PTPRT: variants seen among roughly 807,000 people sequenced by gnomAD.
The protein encoded by PTPRT is receptor-type tyrosine-protein phosphatase T.
A neutral mutation model predicts 176.8 loss-of-function variants in PTPRT; 56 were observed. That is an observed-to-expected ratio of 0.32 (90% confidence interval 0.26 to 0.40). The LOEUF (loss-of-function observed/expected upper bound fraction) is 0.40, where lower values mean the gene tolerates loss of function less well. PTPRT is among the 10% of genes least tolerant of loss of function. The probability of loss-of-function intolerance (pLI) is 1.00; values close to 1 mark genes in which losing one functional copy is unlikely to be tolerated. For synonymous variants in PTPRT, 783 were observed against 739.0 expected (o/e 1.06, Z -0.96); for missense variants, 1,540 against 1,908.2 (o/e 0.81, Z 3.60).
the PTPRT span, among the ~76,000 whole-genome samples, chr20:42,046,689 G>A: frequency 6.6e-6 from 1 of 152,130 alleles, no homozygotes; most frequent in South Asian, 2.1e-4. Context: ...CTGTAATTAG[G>A]ACCTGTATTG....
intron 1 of PTPRT, among the ~76,000 whole-genome samples, chr20:43,096,207 T>A (rs1045396913): frequency 6.6e-6 from 1 of 150,658 alleles, no homozygotes; most frequent in East Asian, 2.0e-4. Context: ...TGTCTCTCTG[T>A]TTTCCTTTTC....
chr20:42,181,872 C>A (rs1168171234), intron 16 of PTPRT, among the ~76,000 whole-genome samples: 2 of 151,484 alleles, frequency 1.3e-5, no homozygotes, highest in African/African-American at 4.9e-5. Context: ...CTGACACATG[C>A]TAAGAGGGAC....
At chr20:42,575,076 T>G (rs1465356080) in intron 7 of PTPRT, among the ~76,000 whole-genome samples, 1 of 152,078 alleles carries the variant, frequency 6.6e-6, no homozygotes, top group African/African-American at 2.4e-5. Context: ...GTGAGAATGG[T>G]CTAATACACA....
intron 2 of PTPRT, among the ~76,000 whole-genome samples, chr20:42,818,247 G>C (rs1454618863): frequency 6.6e-6 from 1 of 151,948 alleles, no homozygotes. Context: ...AGGTCCTAAA[G>C]TGAACCCCCA....
chr20:42,870,726 G>C (rs1158265066), intron 2 of PTPRT, among the ~76,000 whole-genome samples: 1 of 152,152 alleles, frequency 6.6e-6, no homozygotes, highest in Non-Finnish European at 1.5e-5. Flanking sequence ...GGGATTGCTA[G>C]ATCATATGGT....
At chr20:42,517,010 C>T (rs182641232) in intron 7 of PTPRT, among the ~76,000 whole-genome samples, 1 of 152,154 alleles carries the variant, frequency 6.6e-6, no homozygotes, top group Admixed American at 6.5e-5. Context: ...CTTTCTCATG[C>T]TGTCCTTATC....
intron 23 of PTPRT, among the ~76,000 whole-genome samples, chr20:42,108,041 AG>A (rs1491559094): frequency 9.4e-6 from 1 of 105,828 alleles, no homozygotes; most frequent in South Asian, 2.6e-4. Flanking sequence ...GAGGGAGTAT[AG>A]GGGGGGTCAC....
chr20:42,074,720 A>C lies in PTPRT; in HGVS notation c.*6159T>G. ...TGTGAGTGTTGATGCCTCCTTTTAG[A>C]GACCTAACATTCATGAGTGGATTTC... On this transcript the variant is annotated 3_prime_UTR_variant, in exon 31 of 31. Transcript: ENST00000373187. 2.5e-6 allele frequency: 1 copy of C among 398,544 alleles called. No individual in the cohort carries two copies. The highest frequency in any genetic ancestry group is 4.4e-6 in the Non-Finnish European group (1 of 226,012). 24.7% of individuals were successfully genotyped at this position (398,544 alleles called of 1,614,324 possible). A position where few individuals can be genotyped will look rare whatever the true frequency, so the allele number is the denominator to read the frequency against.
At chr20:43,103,885 C>T (rs1158606913) in intron 1 of PTPRT, among the ~76,000 whole-genome samples, 1 of 152,056 alleles carries the variant, frequency 6.6e-6, no homozygotes, top group African/African-American at 2.4e-5. Flanking sequence ...TAGGAAATAA[C>T]ATCTACCGCA....
intron 2 of PTPRT, among the ~76,000 whole-genome samples, chr20:42,852,809 G>T (rs1218988207): frequency 6.6e-6 from 1 of 152,172 alleles, no homozygotes; most frequent in African/African-American, 2.4e-5. Context: ...GAAGAGAACA[G>T]ACTGAGAGGT....
At chr20:43,017,403 T>C (rs1467759637) in intron 1 of PTPRT, among the ~76,000 whole-genome samples, 1 of 151,810 alleles carries the variant, frequency 6.6e-6, no homozygotes, top group Non-Finnish European at 1.5e-5. Flanking sequence ...CCCAATCGCA[T>C]CTCCCTCCCT....
At chr20:42,598,721 C>T (rs2073721119) in intron 7 of PTPRT, among the ~76,000 whole-genome samples, 1 of 151,972 alleles carries the variant, frequency 6.6e-6, no homozygotes, top group Non-Finnish European at 1.5e-5. Context: ...AATGCAGTCT[C>T]ACTTCCCTGG....
At chr20:42,645,232 C>CTGAAT in intron 7 of PTPRT, among the ~76,000 whole-genome samples, 1 of 152,264 alleles carries the variant, frequency 6.6e-6, no homozygotes, top group East Asian at 1.9e-4. Flanking sequence ...TTGAGTCTCC[C>CTGAAT]TGAATGGAGG....
chr20:42,063,901 G>A, the PTPRT span: 1 of 151,966 alleles, frequency 6.6e-6, no homozygotes, highest in Admixed American at 6.6e-5. Context: ...AAAAAATTAA[G>A]CAAATGAATA....
At chr20:43,073,075 A>G (rs2011201881) in intron 1 of PTPRT, among the ~76,000 whole-genome samples, 1 of 152,178 alleles carries the variant, frequency 6.6e-6, no homozygotes, top group African/African-American at 2.4e-5. Flanking sequence ...AAGTCCACAA[A>G]AGAGACAGGG....
intron 17 of PTPRT, among the ~76,000 whole-genome samples, chr20:42,154,133 G>C (rs774249814): frequency 6.6e-6 from 1 of 152,172 alleles, no homozygotes; most frequent in Non-Finnish European, 1.5e-5. Context: ...TGATTTGGGC[G>C]TGGGCCAGTA....
the PTPRT span, among the ~76,000 whole-genome samples, chr20:42,032,155 AAG>A: frequency 4.6e-5 from 7 of 151,168 alleles, no homozygotes; most frequent in East Asian, 1.9e-4. Flanking sequence ...GGCCTGGAAA[AAG>A]AGAGAGAGAG....
chr20:42,477,053 G>A (rs534795634), intron 7 of PTPRT, among the ~76,000 whole-genome samples: 3 of 152,258 alleles, frequency 2.0e-5, no homozygotes, highest in South Asian at 2.1e-4. Context: ...AGTGTGCAGC[G>A]ACCTCAGTCC....
intron 6 of PTPRT, among the ~76,000 whole-genome samples, chr20:42,697,271 A>G (rs4810363): frequency 0.37 from 56,153 of 152,036 alleles, 11,492 homozygotes; most frequent in African/African-American, 0.55. Context: ...ATAAACATAA[A>G]AGGATACGGG....
Sources: gnomAD v4.1 joint callset for allele counts (sites outside exome capture counted in the v4.1 genomes callset) on GRCh38, gnomAD v4.1.1 for gene constraint, MANE v1.5 for transcripts, NCBI Gene and HGNC (gene_info 2026-07-23, HGNC 2026-07-21) for gene names.